NIBAN3: variants seen among roughly 807,000 people sequenced by gnomAD.
NIBAN3 encodes the protein protein Niban 3.
In NIBAN3, 66 loss-of-function variants were observed where a neutral mutation model predicts 76.4. The observed-to-expected ratio is 0.86, with a 90% CI of 0.71 to 1.06. The LOEUF (loss-of-function observed/expected upper bound fraction) is 1.06, where lower values mean the gene tolerates loss of function less well. NIBAN3 is among the 50% of genes least tolerant of loss of function. NIBAN3 has a pLI of 0.00. For missense variants in NIBAN3, 808 were observed against 810.7 expected (o/e 1.00, Z 0.04); for synonymous variants, 360 against 355.2 (o/e 1.01, Z -0.15).
At chr19:17,535,225 G>A (rs933552439) in intron 4 of NIBAN3, among the ~76,000 whole-genome samples, 49 of 152,142 alleles carry the variant, frequency 3.2e-4, no homozygotes, top group African/African-American at 1.2e-3. Flanking sequence ...GATCCCCTGA[G>A]GCCAGGAGTT....
chr19:17,551,775 C>T lies in NIBAN3; in HGVS notation c.1751-11C>T, dbSNP rs527747914. On this transcript the variant is annotated splice_polypyrimidine_tract_variant and intron_variant, in intron 14 of 14. Coordinates refer to ENST00000599164, the MANE Select transcript of NIBAN3 (RefSeq NM_001321827.2). ...CTGATTTTTGACGTCCGTATATTTT[C>T]CATTATACAGATGAGGAAACTGAGG... The T allele has an allele frequency of 1.3e-6, 1 of 772,912 alleles. No homozygotes were observed. The highest frequency in any genetic ancestry group is 1.4e-5 in the South Asian group (1 of 73,948). 47.9% of individuals were successfully genotyped at this position (772,912 alleles called of 1,614,324 possible). A position where few individuals can be genotyped will look rare whatever the true frequency, so the allele number is the denominator to read the frequency against.
In NIBAN3 at chr19:17,547,515, C is replaced by T. The variant is rs543782005; in HGVS notation, c.1666+718C>T. Among the ~76,000 whole-genome samples, 1,443 of 146,644 alleles carry T rather than the reference C, an allele frequency of 9.8e-3. 26 individuals are homozygous for T. The highest frequency in any genetic ancestry group is 0.032 in the African/African-American group (1,285 of 39,920). On this transcript the variant is annotated intron_variant, in intron 13 of 14. Transcript: ENST00000599164. The stretch of plus-strand genomic sequence containing the variant: ...GACTACAGGCATGTGCCACCACGCC[C>T]GGCTAATTTTTGTATTTTTAGTAGA...
In NIBAN3 at chr19:17,542,165, C is replaced by T. The variant is rs766053247; in HGVS notation, c.1200C>T (p.Asp400=). ...EVYSFGEMPW[D]LALMQTCYRE... ...ACTCATTTGGGGAGATGCCGTGGGA[C>T]TTGGCGCTGATGCAGACATGCTACC... is the stretch of plus-strand genomic sequence containing the variant. The change falls in exon 10 of 15, where the codon GAC becomes GAT. Residue 400 remains aspartate (D), a synonymous_variant. Transcript: ENST00000599164. This position sits in a 1 kb window ranked among gnomAD's most constrained non-coding sequence, Gnocchi z 4.8. 47 of 1,614,050 alleles carry T rather than the reference C, an allele frequency of 2.9e-5. No homozygotes were observed. Among genetic ancestry groups the T allele is most frequent in the Non-Finnish European group, 3.5e-5 (41 of 1,180,040 alleles).
At position 17,542,424 on chromosome 19, in the gene NIBAN3, A is replaced by T; in HGVS notation, c.1329+130A>T. 9.9e-7 allele frequency: 1 copy of T among 1,009,526 alleles called. No individual in the cohort carries two copies. The highest frequency in any genetic ancestry group is 1.4e-6 in the Non-Finnish European group (1 of 699,380). 62.5% of individuals were successfully genotyped at this position (1,009,526 alleles called of 1,614,324 possible). On this transcript the variant is annotated intron_variant, in intron 10 of 14. Coordinates refer to ENST00000599164, the MANE Select transcript of NIBAN3 (RefSeq NM_001321827.2). This position sits in a 1 kb window ranked among gnomAD's most constrained non-coding sequence, Gnocchi z 4.8. ...GCGGGGCTGCCAGTCTCATGGGGAC[A>T]TGAGCCCGTGACCAGGCAGCAGCCA...
downstream of NIBAN3, chr19:17,553,830 C>CCTTT: frequency 2.9e-6 from 1 of 342,170 alleles, no homozygotes; most frequent in Admixed American, 4.3e-5. Context: ...TATGAAAAGA[C>CCTTT]CTTTCCTCAT....
chr19:17,527,725 G>C (rs1447197676), intron 1 of NIBAN3, among the ~76,000 whole-genome samples: 1 of 151,294 alleles, frequency 6.6e-6, no homozygotes, highest in Non-Finnish European at 1.5e-5. Context: ...TATTTCATTG[G>C]TTGTTTTTTT....
upstream of NIBAN3, among the ~76,000 whole-genome samples, chr19:17,524,194 C>T (rs1181515050): frequency 4.0e-5 from 6 of 150,226 alleles, no homozygotes; most frequent in South Asian, 4.2e-4. Context: ...CCCAACTCCT[C>T]GCTTCCTTTC....
At chr19:17,554,098 T>TC (rs1177377754), downstream of NIBAN3, among the ~76,000 whole-genome samples, 1 of 152,118 alleles carries the variant, frequency 6.6e-6, no homozygotes, top group Non-Finnish European at 1.5e-5. Context: ...GGTCTCGAAC[T>TC]CCTGACCTCA....
intron 12 of NIBAN3, 74 bp from the exon 13 acceptor site, chr19:17,546,612 G>A: frequency 3.6e-6 from 5 of 1,407,206 alleles, no homozygotes; most frequent in Non-Finnish European, 4.6e-6. Flanking sequence ...CCAGGGCTAG[G>A]GCAGAAGCCT....
chr19:17,555,387 C>T (rs910630880), downstream of NIBAN3, among the ~76,000 whole-genome samples: 2 of 152,194 alleles, frequency 1.3e-5, no homozygotes, highest in African/African-American at 4.8e-5. Context: ...AATTGGGCGG[C>T]GCATCTGGCG....
At chr19:17,531,051 C>T (rs1307357203) in intron 2 of NIBAN3, among the ~76,000 whole-genome samples, 166 bp downstream of exon 2, 1 of 151,998 alleles carries the variant, frequency 6.6e-6, no homozygotes, top group African/African-American at 2.4e-5. Flanking sequence ...AGGTGGCTCC[C>T]GTCTGTAATC....
At chr19:17,536,921 G>A (rs1345672812) in intron 4 of NIBAN3, among the ~76,000 whole-genome samples, 1 of 152,048 alleles carries the variant, frequency 6.6e-6, no homozygotes, top group Non-Finnish European at 1.5e-5. Context: ...CAGATCGCTT[G>A]AGCTCAGGAG....
At position 17,542,252 on chromosome 19, in the gene NIBAN3, G is replaced by A; in HGVS notation, c.1287G>A (p.Gly429=). 1.2e-6 allele frequency: 2 copies of A among 1,613,402 alleles called. No homozygotes were observed. Among genetic ancestry groups the A allele is most frequent in the Non-Finnish European group, 1.7e-6 (2 of 1,179,788 alleles). ...GQLAAPFGFL[G]MQSLVFGAQD... ...TGGCAGCACCGTTTGGCTTTCTGGGGATGCAGAGCCTCGTGTTTGGGGCCC... is the reference window on the plus strand; with the variant it reads ...TGGCAGCACCGTTTGGCTTTCTGGGAATGCAGAGCCTCGTGTTTGGGGCCC... Residue 429 remains glycine, a synonymous_variant, in exon 10 of 15, where the codon GGG becomes GGA. Transcript: ENST00000599164. This position sits in a 1 kb window ranked among gnomAD's most constrained non-coding sequence, Gnocchi z 4.8.
At chr19:17,550,707 T>C (rs2076140149) in intron 14 of NIBAN3, among the ~76,000 whole-genome samples, 1 of 152,018 alleles carries the variant, frequency 6.6e-6, no homozygotes, top group South Asian at 2.1e-4. Flanking sequence ...TGTTAGAATA[T>C]TTCAGGATTT....
rs530918243 is a variant in NIBAN3, at chr19:17,542,209, G to C, written c.1244G>C (p.Arg415Pro). 1.6e-4 allele frequency: 266 copies of C among 1,614,022 alleles called. 1 individual carries two copies. The South Asian group carries it at 2.7e-3, about 17-fold the overall frequency. The change falls in exon 10 of 15, where the codon CGG becomes CCG. Residue 415 changes from arginine (R) to proline (P), a missense_variant. Transcript: ENST00000599164. The surrounding 1 kb of genome is among the most constrained non-coding windows in gnomAD (Gnocchi z 4.8). ...QTCYREAERS[R>P]GRLGQLAAPF... ...TGCTACCGTGAGGCCGAGCGGAGCCGGGGGCGCTTGGGGCAGCTGGCAGCA... is the reference window on the plus strand; with the variant it reads ...TGCTACCGTGAGGCCGAGCGGAGCCCGGGGCGCTTGGGGCAGCTGGCAGCA...
upstream of NIBAN3, among the ~76,000 whole-genome samples, chr19:17,523,834 G>A (rs1011412486): frequency 6.6e-6 from 1 of 152,164 alleles, no homozygotes; most frequent in African/African-American, 2.4e-5. Flanking sequence ...CTTTGCCTGT[G>A]CTGAGCCCGC....
intron 12 of NIBAN3, chr19:17,545,894 A>G (rs1267421803): frequency 7.2e-6 from 3 of 416,700 alleles, no homozygotes; most frequent in Middle Eastern, 8.0e-4. Flanking sequence ...GTGGAGGAGC[A>G]GAGTCTTCTC....
chr19:17,538,994 A>G (rs1568451790), intron 5 of NIBAN3, among the ~76,000 whole-genome samples, 156 bp from the exon 6 acceptor site: 1 of 152,164 alleles, frequency 6.6e-6, no homozygotes, highest in Admixed American at 6.5e-5. Flanking sequence ...GTCTTGGGGG[A>G]CTGTGTTCCC....
chr19:17,544,456 T>C (rs2076013844), intron 12 of NIBAN3, among the ~76,000 whole-genome samples: 1 of 151,882 alleles, frequency 6.6e-6, no homozygotes, highest in Non-Finnish European at 1.5e-5. Flanking sequence ...CCTGGTGACA[T>C]GGGCATCAGT....
Sources: allele counts gnomAD v4.1 joint callset (sites outside exome capture counted in the v4.1 genomes callset), GRCh38; gene constraint gnomAD v4.1.1; non-coding constraint Gnocchi (gnomAD v3.1); transcripts MANE v1.5; gene names NCBI Gene and HGNC (gene_info 2026-07-23, HGNC 2026-07-21).